The following PRKCA variants were observed in gnomAD, a reference collection of about 807,000 sequenced individuals.
PRKCA encodes the protein protein kinase C alpha type.
PRKCA carries 27 observed loss-of-function variants against 87.0 expected under a neutral mutation model. That is an observed-to-expected ratio of 0.31 (90% CI 0.23 to 0.43). PRKCA has a LOEUF of 0.43. Among genes scored for constraint, PRKCA ranks in the 20% least tolerant of loss-of-function variants. The probability of loss-of-function intolerance (pLI) is 1.00; values close to 1 mark genes in which losing one functional copy is unlikely to be tolerated. For synonymous variants in PRKCA, 329 were observed against 311.1 expected (o/e 1.06, Z -0.61); for missense variants, 518 against 852.3 (o/e 0.61, Z 4.88).
chr17:66,651,124 G>A (rs536765902), intron 5 of PRKCA, among the ~76,000 whole-genome samples: 149 of 152,270 alleles, frequency 9.8e-4, no homozygotes, highest in African/African-American at 3.5e-3. Context: ...GGACAGGGAA[G>A]GAAGAAGAGG....
intron 2 of PRKCA, among the ~76,000 whole-genome samples, chr17:66,348,083 A>G (rs1907514079): frequency 6.6e-6 from 1 of 151,494 alleles, no homozygotes; most frequent in Non-Finnish European, 1.5e-5. Flanking sequence ...CTGGGATTAC[A>G]GGCACACGCC....
At chr17:66,570,963 C>T (rs1032341996) in intron 3 of PRKCA, among the ~76,000 whole-genome samples, 16 of 152,310 alleles carry the variant, frequency 1.1e-4, no homozygotes, top group South Asian at 2.1e-4. Context: ...ATCCACCCAC[C>T]TCTAAGGTTG....
At chr17:66,365,176 G>T (rs1908628559) in intron 2 of PRKCA, among the ~76,000 whole-genome samples, 1 of 152,156 alleles carries the variant, frequency 6.6e-6, no homozygotes, top group South Asian at 2.1e-4. Context: ...TGGCTTTTGT[G>T]GGGAGAATTC....
At chr17:66,710,474 C>T (rs1973296001) in intron 8 of PRKCA, among the ~76,000 whole-genome samples, 1 of 152,122 alleles carries the variant, frequency 6.6e-6, no homozygotes, top group Admixed American at 6.5e-5. Context: ...AAAGGTAGTT[C>T]TTCCTCTGCT....
At chr17:66,305,962 GT>G in intron 1 of PRKCA, 133 bp from the exon 2 acceptor site, 1 of 826,740 alleles carries the variant, frequency 1.2e-6, no homozygotes, top group Non-Finnish European at 2.0e-6. Flanking sequence ...ATTTAGGTAT[GT>G]TTTTTTCTAT....
chr17:66,361,476 T>A (rs776766231), intron 2 of PRKCA, among the ~76,000 whole-genome samples: 4 of 152,048 alleles, frequency 2.6e-5, no homozygotes, highest in African/African-American at 9.7e-5. Context: ...CACGCCTGGC[T>A]AATTTTTGTA....
At chr17:66,391,494 C>A (rs1910354883) in intron 2 of PRKCA, among the ~76,000 whole-genome samples, 1 of 152,168 alleles carries the variant, frequency 6.6e-6, no homozygotes. Context: ...GCCTGTTCAT[C>A]ACTTCATCTG....
chr17:66,681,502 C>T (rs895921501), intron 5 of PRKCA, among the ~76,000 whole-genome samples: 6 of 152,118 alleles, frequency 3.9e-5, no homozygotes, highest in Non-Finnish European at 7.3e-5. Flanking sequence ...GCTTCTTTAA[C>T]ACTACCATTA....
intron 2 of PRKCA, among the ~76,000 whole-genome samples, chr17:66,318,573 G>C (rs543778993): frequency 2.6e-5 from 4 of 152,256 alleles, no homozygotes; most frequent in Non-Finnish European, 4.4e-5. Context: ...TGTCATGGTG[G>C]GTTGGGCGTG....
At position 66,774,149 on chromosome 17, in the gene PRKCA, A is replaced by T. The variant is rs762659254; in HGVS notation, c.1605+82A>T. The T allele has an allele frequency of 2.1e-5, 34 of 1,606,480 alleles. 1 individual carries two copies. In the South Asian group the frequency reaches 3.0e-4, roughly 14 times the overall value. On this transcript the variant is annotated intron_variant, in intron 14 of 16. Coordinates refer to ENST00000413366, the MANE Select transcript of PRKCA (RefSeq NM_002737.3). ...GCTCTGGTTGGGCCTCGAGAGCAAGACCTGACGTTTTAGTGCAGCTGGTGT... is the reference window on the plus strand; with the variant it reads ...GCTCTGGTTGGGCCTCGAGAGCAAGTCCTGACGTTTTAGTGCAGCTGGTGT...
chr17:66,724,947 G>T (rs1328134553), intron 8 of PRKCA, among the ~76,000 whole-genome samples: 3 of 152,200 alleles, frequency 2.0e-5, no homozygotes, highest in Non-Finnish European at 4.4e-5. Context: ...AAAGAAAAAT[G>T]GTCAGCTCAG....
chr17:66,401,079 C>T (rs919600863), intron 2 of PRKCA, among the ~76,000 whole-genome samples: 6 of 152,282 alleles, frequency 3.9e-5, no homozygotes, highest in African/African-American at 1.4e-4. Context: ...TACTGTGTGG[C>T]AGTTGAGAAC....
chr17:66,416,781 CTG>C (rs1912178753), intron 2 of PRKCA: 2 of 152,218 alleles, frequency 1.3e-5, no homozygotes, highest in African/African-American at 4.8e-5. Context: ...CATCCTGTTC[CTG>C]TGTGTGGACT....
intron 8 of PRKCA, among the ~76,000 whole-genome samples, chr17:66,694,111 A>C (rs1431256783): frequency 6.6e-6 from 1 of 152,206 alleles, no homozygotes; most frequent in Non-Finnish European, 1.5e-5. Context: ...CCACAGTGAG[A>C]AGTCAGCTTG....
At chr17:66,546,342 C>T (rs1025384361) in intron 3 of PRKCA, among the ~76,000 whole-genome samples, 4 of 152,082 alleles carry the variant, frequency 2.6e-5, no homozygotes, top group African/African-American at 4.8e-5. Flanking sequence ...TCTAAGGCTG[C>T]CATAACAGAT....
chr17:66,509,648 A>G (rs1009045694), intron 3 of PRKCA, among the ~76,000 whole-genome samples: 1 of 152,176 alleles, frequency 6.6e-6, no homozygotes, highest in African/African-American at 2.4e-5. Context: ...CATTGTGTAA[A>G]CACCCAGAAT....
chr17:66,421,437 T>G (rs1912488304), intron 2 of PRKCA, among the ~76,000 whole-genome samples: 1 of 151,810 alleles, frequency 6.6e-6, no homozygotes, highest in Non-Finnish European at 1.5e-5. Context: ...TGTTTTTTTT[T>G]TTTTTTTTTT....
chr17:66,539,712 A>G (rs1449924793), intron 3 of PRKCA, among the ~76,000 whole-genome samples: 2 of 152,122 alleles, frequency 1.3e-5, no homozygotes, highest in African/African-American at 4.8e-5. Context: ...TAAGGTTTCA[A>G]TCTTAATAAG....
intron 1 of PRKCA, among the ~76,000 whole-genome samples, chr17:66,305,847 TA>T (rs906556032): frequency 5.3e-5 from 8 of 152,206 alleles, no homozygotes; most frequent in Non-Finnish European, 1.2e-4. Flanking sequence ...TAACATAGTA[TA>T]AAAAATTGGA....
Sources: gnomAD v4.1 joint callset for allele counts (sites outside exome capture counted in the v4.1 genomes callset) on GRCh38, gnomAD v4.1.1 for gene constraint, MANE v1.5 for transcripts, NCBI Gene and HGNC (gene_info 2026-07-23, HGNC 2026-07-21) for gene names.